The following KCNJ6 variants were observed in gnomAD, a reference collection of about 807,000 sequenced individuals.
KCNJ6 encodes the protein potassium inwardly rectifying channel subfamily J member 6, also known as G protein-activated inward rectifier potassium channel 2.
In KCNJ6, 9 loss-of-function variants were observed where a neutral mutation model predicts 34.2. The ratio of observed to expected loss-of-function variants is 0.26; its 90% CI spans 0.16 to 0.46. KCNJ6 has a LOEUF of 0.46. Ranked by LOEUF, KCNJ6 falls within the 20% of genes least tolerant of loss-of-function variation. The probability of loss-of-function intolerance (pLI) is 1.00; values close to 1 mark genes in which losing one functional copy is unlikely to be tolerated. For synonymous variants in KCNJ6, 196 were observed against 207.1 expected (o/e 0.95, Z 0.46); for missense variants, 236 against 531.3 (o/e 0.44, Z 5.46).
intron 1 of KCNJ6, among the ~76,000 whole-genome samples, chr21:37,861,759 T>C (rs1268301107): frequency 1.3e-5 from 2 of 152,150 alleles, no homozygotes; most frequent in African/African-American, 4.8e-5. Flanking sequence ...TTGAGGAATG[T>C]CCTTGAGAAG....
intron 2 of KCNJ6, among the ~76,000 whole-genome samples, chr21:37,734,089 T>C (rs1456001227): frequency 3.3e-5 from 5 of 152,250 alleles, no homozygotes; most frequent in African/African-American, 1.2e-4. Context: ...GTTTGAGTCA[T>C]CCTGTTGTGT....
Position 37,618,479 on chromosome 21 carries a change from G to T in KCNJ6, c.*6680C>A, listed in dbSNP as rs1018014676. The T allele has an allele frequency of 6.6e-6, 1 of 152,172 alleles. No individual in the cohort carries two copies. The highest frequency in any genetic ancestry group is 1.5e-5 in the Non-Finnish European group (1 of 68,042). The allele number at this position is 152,172 out of a possible 1,614,324, so 9.4% of individuals were successfully genotyped here. On this transcript the variant is annotated 3_prime_UTR_variant, in exon 4 of 4. Transcript: ENST00000609713. Reference sequence around the variant, plus strand: ...CTTGTTGGTAGCAGATATTTACATTGCCTGAGAAAAACAGCCCTTCATATT... The same window carrying T: ...CTTGTTGGTAGCAGATATTTACATTTCCTGAGAAAAACAGCCCTTCATATT...
intron 1 of KCNJ6, among the ~76,000 whole-genome samples, chr21:37,848,961 T>C (rs768668628): frequency 6.6e-6 from 1 of 152,284 alleles, no homozygotes; most frequent in East Asian, 1.9e-4. Context: ...TTTCTTGGAA[T>C]ATTGGTGAGT....
At chr21:37,766,711 G>A (rs574169281) in intron 2 of KCNJ6, among the ~76,000 whole-genome samples, 11 of 152,252 alleles carry the variant, frequency 7.2e-5, no homozygotes, top group African/African-American at 2.6e-4. Flanking sequence ...TAGACCAGGG[G>A]TCCCCAAACC....
intron 2 of KCNJ6, among the ~76,000 whole-genome samples, chr21:37,768,072 G>A (rs1439155943): frequency 6.6e-6 from 1 of 151,080 alleles, no homozygotes; most frequent in Non-Finnish European, 1.5e-5. Context: ...ACTGTAGGTG[G>A]CTGTGTATGG....
chr21:37,893,959 T>C (rs1012823382), intron 1 of KCNJ6, among the ~76,000 whole-genome samples: 1 of 152,214 alleles, frequency 6.6e-6, no homozygotes, highest in African/African-American at 2.4e-5. Context: ...TTCTTTTCAC[T>C]GATTCTATTC....
At chr21:37,656,781 C>G (rs913731204) in intron 3 of KCNJ6, among the ~76,000 whole-genome samples, 3 of 152,212 alleles carry the variant, frequency 2.0e-5, no homozygotes, top group African/African-American at 7.2e-5. Context: ...CGTGGCCAAG[C>G]CTCCTGTCTC....
At chr21:37,807,677 T>C (rs2055300515) in intron 2 of KCNJ6, among the ~76,000 whole-genome samples, 1 of 152,208 alleles carries the variant, frequency 6.6e-6, no homozygotes, top group Non-Finnish European at 1.5e-5. Context: ...CCTAGGTGAG[T>C]AGCAGGCTAT....
At chr21:37,651,927 TACTG>T (rs886382143) in intron 3 of KCNJ6, among the ~76,000 whole-genome samples, 1 of 152,212 alleles carries the variant, frequency 6.6e-6, no homozygotes, top group African/African-American at 2.4e-5. Flanking sequence ...TTTTCAACCT[TACTG>T]ACCCACTGAT....
At chr21:37,639,108 C>A (rs2054370260) in intron 3 of KCNJ6, among the ~76,000 whole-genome samples, 1 of 152,190 alleles carries the variant, frequency 6.6e-6, no homozygotes, top group Non-Finnish European at 1.5e-5. Flanking sequence ...ACTTGAAAGC[C>A]AATCAGAAAG....
chr21:37,684,714 G>T (rs888298473), intron 3 of KCNJ6, among the ~76,000 whole-genome samples: 2 of 152,218 alleles, frequency 1.3e-5, no homozygotes, highest in African/African-American at 4.8e-5. Context: ...CAGATTATTC[G>T]GTGAAAAGTG....
At chr21:37,771,092 G>A (rs988348991) in intron 2 of KCNJ6, among the ~76,000 whole-genome samples, 2 of 152,176 alleles carry the variant, frequency 1.3e-5, no homozygotes, top group Non-Finnish European at 2.9e-5. Context: ...TTTATTTGGC[G>A]AGTAAGTGTG....
In KCNJ6 at chr21:37,620,267, C is replaced by T. The variant is rs1299196100; in HGVS notation, c.*4892G>A. The T allele has an allele frequency of 6.6e-6, 1 of 151,966 alleles. No homozygotes were observed. The highest frequency in any genetic ancestry group is 6.6e-5 in the Admixed American group (1 of 15,264). The allele number at this position is 151,966 out of a possible 1,614,324, so 9.4% of individuals were successfully genotyped here. ...TCAGCAAACTTTTTTTATACAGGGC[C>T]AGATAGTAAATATTTCAATCTTTGC... On this transcript the variant is annotated 3_prime_UTR_variant, in exon 4 of 4. Transcript: ENST00000609713.
chr21:37,630,162 T>TGTGGTGG (rs748374656), intron 3 of KCNJ6, among the ~76,000 whole-genome samples: 2 of 64,456 alleles, frequency 3.1e-5, no homozygotes, highest in Admixed American at 1.6e-4. Flanking sequence ...GTGTGTGGTG[T>TGTGGTGG]TTATGTTCCA....
At chr21:37,719,585 A>ATTTACTTGACTTTGAGAGTAGC (rs2054813536) in intron 2 of KCNJ6, 1 of 152,172 alleles carries the variant, frequency 6.6e-6, no homozygotes, top group African/African-American at 2.4e-5. Context: ...AACTTTGATG[A>ATTTACTTGACTTTGAGAGTAGC]TTTACTTGAC....
intron 2 of KCNJ6, among the ~76,000 whole-genome samples, chr21:37,736,193 T>TC (rs397762530): frequency 0.29 from 24,544 of 84,806 alleles, 2,522 homozygotes; most frequent in South Asian, 0.42. Context: ...AGCCCTGTGC[T>TC]AGGCCCTGGG....
chr21:37,630,045 T>G (rs896494232), intron 3 of KCNJ6, among the ~76,000 whole-genome samples: 1 of 152,018 alleles, frequency 6.6e-6, no homozygotes, highest in Non-Finnish European at 1.5e-5. Context: ...TCTTTAAAAC[T>G]GTGATGTTTT....
At chr21:37,892,226 G>A (rs2055765866) in intron 1 of KCNJ6, among the ~76,000 whole-genome samples, 1 of 152,176 alleles carries the variant, frequency 6.6e-6, no homozygotes, top group South Asian at 2.1e-4. Flanking sequence ...ACAGGGCGTT[G>A]AATCATTTCA....
At chr21:37,709,837 A>G (rs1265913407) in intron 3 of KCNJ6, among the ~76,000 whole-genome samples, 1 of 152,218 alleles carries the variant, frequency 6.6e-6, no homozygotes, top group African/African-American at 2.4e-5. Context: ...CTAGTGACAG[A>G]ACTGAGCTTT....
Sources: allele counts gnomAD v4.1 joint callset (sites outside exome capture counted in the v4.1 genomes callset), GRCh38; gene constraint gnomAD v4.1.1; transcripts MANE v1.5; gene names NCBI Gene and HGNC (gene_info 2026-07-23, HGNC 2026-07-21).